The following SPRY3 variants were observed in gnomAD, a reference collection of about 807,000 sequenced individuals.
SPRY3 encodes protein sprouty homolog 3.
SPRY3 carries 15 observed loss-of-function variants against 20.2 expected under a neutral mutation model. The observed-to-expected ratio is 0.74, with a 90% CI of 0.50 to 1.14. The LOEUF (loss-of-function observed/expected upper bound fraction) is 1.14. Among genes scored for constraint, SPRY3 ranks in the 50% most tolerant of loss-of-function variants. The probability of loss-of-function intolerance (pLI) is 0.00; values close to 1 mark genes in which losing one functional copy is unlikely to be tolerated. For synonymous variants in SPRY3, 143 were observed against 136.5 expected, an observed-to-expected ratio of 1.05 and a Z score of -0.33; for missense variants, 364 against 363.9, an observed-to-expected ratio of 1.00 and a Z score of 0.00.
chrX:155,645,168 A>G (rs2067953962), intron 1 of SPRY3, among the ~76,000 whole-genome samples: 1 of 111,421 alleles, frequency 9.0e-6, no homozygotes, highest in South Asian at 3.8e-4. Context: ...CTGGTGCACT[A>G]TCCTACTATG....
chrX:155,648,574 G>A (rs2067965619), intron 1 of SPRY3, among the ~76,000 whole-genome samples: 2 of 112,262 alleles, frequency 1.8e-5, no homozygotes, highest in South Asian at 7.3e-4. Context: ...CCCATTGCTT[G>A]TTTTTGTCAG....
intron 2 of SPRY3, among the ~76,000 whole-genome samples, chrX:155,682,705 A>G (rs1480935536): frequency 9.0e-6 from 1 of 110,823 alleles, no homozygotes; most frequent in Non-Finnish European, 1.9e-5. Flanking sequence ...AATTTTTTGT[A>G]AAGATAGGGC....
intron 3 of SPRY3, among the ~76,000 whole-genome samples, chrX:155,769,879 A>G (rs1039877082): frequency 2.6e-5 from 4 of 152,324 alleles, no homozygotes; most frequent in East Asian, 3.9e-4. Flanking sequence ...AATGTAAACT[A>G]TATACAACTT....
At chrX:155,635,791 G>A (rs1407261659) in intron 1 of SPRY3, among the ~76,000 whole-genome samples, 1 of 111,597 alleles carries the variant, frequency 9.0e-6, no homozygotes, top group Non-Finnish European at 1.9e-5. Flanking sequence ...CAACCATTGT[G>A]GAAATAGGTG....
chrX:155,678,258 G>A (rs2068063722), intron 2 of SPRY3, among the ~76,000 whole-genome samples: 1 of 111,168 alleles, frequency 9.0e-6, no homozygotes, highest in Admixed American at 9.6e-5. Flanking sequence ...TTAATTATCT[G>A]TGCTCTGAAT....
chrX:155,628,388 C>A (rs1042310515), intron 1 of SPRY3, among the ~76,000 whole-genome samples: 1 of 111,935 alleles, frequency 8.9e-6, no homozygotes. Context: ...ATCATCAGAG[C>A]GAACAGGCAA....
chrX:155,618,066 A>G (rs2067859856), intron 1 of SPRY3, among the ~76,000 whole-genome samples: 1 of 111,954 alleles, frequency 8.9e-6, no homozygotes, highest in African/African-American at 3.2e-5. Context: ...GTGTGTGTGT[A>G]GTTGTATAAA....
intron 2 of SPRY3, among the ~76,000 whole-genome samples, chrX:155,679,692 G>A (rs2068068062): frequency 8.9e-6 from 1 of 111,771 alleles, no homozygotes; most frequent in African/African-American, 3.3e-5. Flanking sequence ...TTCAAATATA[G>A]TGAGGGGAGA....
intron 1 of SPRY3, among the ~76,000 whole-genome samples, chrX:155,621,650 C>G (rs1405216525): frequency 8.9e-6 from 1 of 111,840 alleles, no homozygotes; most frequent in African/African-American, 3.2e-5. Context: ...GATGTCCTCT[C>G]CACTCTGGTA....
intron 2 of SPRY3, among the ~76,000 whole-genome samples, chrX:155,723,265 C>T (rs2091073930): frequency 6.6e-6 from 1 of 152,086 alleles, no homozygotes. Flanking sequence ...GTCTTTATAG[C>T]AGTATGATTT....
intron 2 of SPRY3, among the ~76,000 whole-genome samples, chrX:155,687,970 C>A (rs1286319826): frequency 9.0e-6 from 1 of 110,728 alleles, no homozygotes; most frequent in Admixed American, 9.6e-5. Flanking sequence ...TGGTTTGCTG[C>A]ACAGATCATC....
intron 1 of SPRY3, among the ~76,000 whole-genome samples, chrX:155,637,221 AAG>A (rs1174605126): frequency 5.4e-5 from 6 of 110,972 alleles, no homozygotes; most frequent in South Asian, 3.8e-4. Flanking sequence ...TTAAAATACA[AAG>A]AGTTATTTTT....
At chrX:155,671,099 GC>G (rs1557354699) in intron 2 of SPRY3, among the ~76,000 whole-genome samples, 1 of 111,780 alleles carries the variant, frequency 8.9e-6, no homozygotes, top group African/African-American at 3.2e-5. Flanking sequence ...TTTAGAAGGT[GC>G]TGAGACAATC....
At chrX:155,767,774 A>AAGAGGAGGAGGAGGAGAG (rs1569400190) in intron 2 of SPRY3, 188 bp from the exon 2 acceptor site, 6 of 88,264 alleles carry the variant, frequency 6.8e-5, no homozygotes, top group African/African-American at 2.5e-4. Flanking sequence ...GAGGAGGAGA[A>AAGAGGAGGAGGAGGAGAG]AGAGGAGGAG....
chrX:155,768,039 G>A (rs1270217377), exon 3 of SPRY3: 2 of 152,240 alleles, frequency 1.3e-5, no homozygotes, highest in African/African-American at 4.8e-5. Flanking sequence ...TCCGAAGAGA[G>A]GTGGAGAAAC....
intron 1 of SPRY3, among the ~76,000 whole-genome samples, chrX:155,614,023 A>C (rs782621725): frequency 1.8e-4 from 20 of 112,160 alleles, no homozygotes; most frequent in Non-Finnish European, 2.4e-4. Flanking sequence ...TTCTAGAACC[A>C]GTGTGTAAAC....
At chrX:155,698,287 G>A (rs1312237329) in intron 2 of SPRY3, among the ~76,000 whole-genome samples, 1 of 111,809 alleles carries the variant, frequency 8.9e-6, no homozygotes, top group Non-Finnish European at 1.9e-5. Flanking sequence ...TACAAAGGAG[G>A]ATGATAAAGT....
At chrX:155,718,550 A>G (rs1188399235) in intron 2 of SPRY3, among the ~76,000 whole-genome samples, 4 of 152,280 alleles carry the variant, frequency 2.6e-5, no homozygotes, top group East Asian at 1.9e-4. Context: ...AAAATCAATG[A>G]GACAAAAGGG....
At chrX:155,704,610 A>T (rs2090936198) in intron 2 of SPRY3, among the ~76,000 whole-genome samples, 1 of 151,782 alleles carries the variant, frequency 6.6e-6, no homozygotes, top group African/African-American at 2.4e-5. Flanking sequence ...AGTATTTTAA[A>T]AAATAATGAC....
Sources: gnomAD v4.1 joint callset for allele counts (sites outside exome capture counted in the v4.1 genomes callset) on GRCh38, gnomAD v4.1.1 for gene constraint, MANE v1.5 for transcripts, NCBI Gene and HGNC (gene_info 2026-07-23, HGNC 2026-07-21) for gene names.